RAPGEF5: variants seen among roughly 807,000 people sequenced by gnomAD.
RAPGEF5 encodes the protein Rap guanine nucleotide exchange factor 5.
RAPGEF5 carries 65 observed loss-of-function variants against 125.2 expected under a neutral mutation model. That is an observed-to-expected ratio of 0.52 (90% confidence interval 0.43 to 0.64). The LOEUF (loss-of-function observed/expected upper bound fraction) is 0.64, where lower values mean the gene tolerates loss of function less well. Among genes scored for constraint, RAPGEF5 ranks in the 30% least tolerant of loss-of-function variants. The pLI, the probability that RAPGEF5 is intolerant of heterozygous loss-of-function variation, is 0.00. For synonymous variants in RAPGEF5, 391 were observed against 385.9 expected (o/e 1.01, Z -0.16); for missense variants, 958 against 1,048.1 (o/e 0.91, Z 1.19).
intron 11 of RAPGEF5, among the ~76,000 whole-genome samples, chr7:22,172,234 T>C (rs1031758942): frequency 2.6e-5 from 4 of 151,960 alleles, no homozygotes; most frequent in African/African-American, 7.3e-5. Flanking sequence ...GCTATTCTCC[T>C]GCCTCAGCCT....
chr7:22,253,345 A>G (rs1186960273), intron 7 of RAPGEF5, among the ~76,000 whole-genome samples: 1 of 152,188 alleles, frequency 6.6e-6, no homozygotes, highest in East Asian at 1.9e-4. Context: ...CTGACCAGAA[A>G]TGAGAGTGAT....
At chr7:22,257,358 T>C (rs1188500208) in intron 7 of RAPGEF5, among the ~76,000 whole-genome samples, 3 of 152,258 alleles carry the variant, frequency 2.0e-5, no homozygotes, top group Admixed American at 6.5e-5. Flanking sequence ...CCATGCTTAA[T>C]GGTTCTGCGT....
At chr7:22,284,580 G>A (rs1782753638) in intron 6 of RAPGEF5, among the ~76,000 whole-genome samples, 1 of 152,154 alleles carries the variant, frequency 6.6e-6, no homozygotes, top group African/African-American at 2.4e-5. Context: ...AAGGACTGGA[G>A]CCAGCCTAAG....
intron 16 of RAPGEF5, among the ~76,000 whole-genome samples, chr7:22,155,413 T>C (rs1318724652): frequency 6.6e-6 from 1 of 152,220 alleles, no homozygotes; most frequent in African/African-American, 2.4e-5. Context: ...TATAAATGTA[T>C]AAAATGCACT....
chr7:22,345,726 T>C (rs753791834), intron 1 of RAPGEF5, among the ~76,000 whole-genome samples: 1 of 146,266 alleles, frequency 6.8e-6, no homozygotes, highest in Non-Finnish European at 1.5e-5. Flanking sequence ...TTTTAGAGAG[T>C]TATGTGCCAA....
chr7:22,246,382 A>G (rs13230638), intron 7 of RAPGEF5, among the ~76,000 whole-genome samples: 23,062 of 152,150 alleles, frequency 0.15, 2,391 homozygotes, highest in African/African-American at 0.29. Flanking sequence ...AAATAGACAC[A>G]AAGACCAATG....
At chr7:22,310,435 C>G (rs533961732) in intron 3 of RAPGEF5, among the ~76,000 whole-genome samples, 1 of 152,174 alleles carries the variant, frequency 6.6e-6, no homozygotes, top group Admixed American at 6.5e-5. Flanking sequence ...ACAATTAGAA[C>G]AGTCCACAAT....
chr7:22,272,337 C>T lies in RAPGEF5; in HGVS notation c.748-5325G>A, dbSNP rs550039976. ...CAGCCTGGGCAACAGAGCAAGACTC[C>T]GTCTCAAAAAAAAAAAAAAAAAAAA... On this transcript the variant is annotated intron_variant, in intron 6 of 25. Coordinates refer to ENST00000665637, the MANE Select transcript of RAPGEF5 (RefSeq NM_012294.5). 5.7e-3 allele frequency among the ~76,000 whole-genome samples: 681 copies of T among 118,894 alleles called. 1 individual carries two copies. The highest frequency in any genetic ancestry group is 0.012 in the Middle Eastern group (2 of 170). The allele number at this position is 118,894 out of a possible 152,430, so 78.0% of individuals were successfully genotyped here. A position where few individuals can be genotyped will look rare whatever the true frequency, so the allele number is the denominator to read the frequency against.
intron 11 of RAPGEF5, among the ~76,000 whole-genome samples, chr7:22,170,809 T>G (rs999690477): frequency 6.6e-6 from 1 of 152,194 alleles, no homozygotes; most frequent in Non-Finnish European, 1.5e-5. Context: ...AGCATTTACC[T>G]AATTATCTGT....
intron 19 of RAPGEF5, among the ~76,000 whole-genome samples, chr7:22,146,504 G>C (rs1440909836): frequency 6.6e-6 from 1 of 152,044 alleles, no homozygotes; most frequent in Non-Finnish European, 1.5e-5. Context: ...GTAAAAAGAT[G>C]GATATGTGTG....
chr7:22,308,978 C>G (rs566738113), intron 4 of RAPGEF5, among the ~76,000 whole-genome samples: 1 of 152,142 alleles, frequency 6.6e-6, no homozygotes, highest in African/African-American at 2.4e-5. Flanking sequence ...GGGCAGAGCG[C>G]TACTAGTATT....
chr7:22,342,713 T>C lies in RAPGEF5; in HGVS notation c.231+14117A>G, dbSNP rs1178129906. On this transcript the variant is annotated intron_variant, in intron 1 of 25. Transcript: ENST00000665637. ...ACAAATCTCTAGGACAGGGGCAAAA[T>C]GCCACCAGTTCTTTGCTAAAACATA... is the stretch of plus-strand genomic sequence containing the variant. Among the ~76,000 whole-genome samples the C allele has an allele frequency of 4.6e-5, 7 of 152,326 alleles. No individual in the cohort carries two copies. In the East Asian group the frequency reaches 5.8e-4, roughly 13 times the overall value.
intron 1 of RAPGEF5, among the ~76,000 whole-genome samples, chr7:22,341,401 T>A (rs910751751): frequency 6.6e-6 from 1 of 152,124 alleles, no homozygotes; most frequent in African/African-American, 2.4e-5. Flanking sequence ...AGCCAAACCA[T>A]ATCATTCCAC....
At position 22,297,788 on chromosome 7, in the gene RAPGEF5, G is replaced by T. The variant is rs541909661; in HGVS notation, c.681-6547C>A. Reference sequence around the variant, plus strand: ...TTTTCTTGACTTTTTGCACTGGCCTGAGTGGAAGAGGTGTACTAAGAGAAG... The same window carrying T: ...TTTTCTTGACTTTTTGCACTGGCCTTAGTGGAAGAGGTGTACTAAGAGAAG... On this transcript the variant is annotated intron_variant, in intron 5 of 25. Coordinates refer to ENST00000665637, the MANE Select transcript of RAPGEF5 (RefSeq NM_012294.5). 2.0e-5 allele frequency among the ~76,000 whole-genome samples: 3 copies of T among 152,320 alleles called. 1 individual carries two copies. The highest frequency in any genetic ancestry group is 7.2e-5 in the African/African-American group (3 of 41,580).
chr7:22,193,929 C>A lies in RAPGEF5; in HGVS notation c.1101G>T (p.Ala367=). Residue 367 remains alanine (A), a synonymous_variant, in exon 10 of 26, where the codon GCG becomes GCT. Transcript: ENST00000665637. ...GAAACTCTCACCTCCAATGGCTCTC[C>A]GCACTCCCAGCTGTGGGGGCTGGGC... ...CCGPAPTAGS[A]ESHWRYVVVS... is the part of the protein sequence containing the mutation. The A allele has an allele frequency of 6.2e-7, 1 of 1,613,716 alleles. No individual in the cohort carries two copies. Among genetic ancestry groups the A allele is most frequent in the Non-Finnish European group, 8.5e-7 (1 of 1,179,794 alleles).
chr7:22,197,340 G>A (rs976732991), intron 9 of RAPGEF5, among the ~76,000 whole-genome samples: 6 of 152,194 alleles, frequency 3.9e-5, no homozygotes, highest in Admixed American at 2.6e-4. Context: ...GAACCTTTCA[G>A]ATGGCAAACG....
intron 7 of RAPGEF5, among the ~76,000 whole-genome samples, chr7:22,234,574 A>AAAGAG (rs1215260152): frequency 1.3e-5 from 2 of 152,240 alleles, no homozygotes; most frequent in African/African-American, 2.4e-5. Context: ...TCTAAAGCAT[A>AAAGAG]TGCTTTGAGT....
intron 1 of RAPGEF5, among the ~76,000 whole-genome samples, chr7:22,354,112 T>A (rs1005718476): frequency 7.9e-5 from 12 of 151,964 alleles, no homozygotes; most frequent in Non-Finnish European, 1.8e-4. Context: ...AAAAAGCCTA[T>A]AATGCACCTG....
At chr7:22,144,318 A>G (rs1783358356) in intron 20 of RAPGEF5, among the ~76,000 whole-genome samples, 1 of 152,252 alleles carries the variant, frequency 6.6e-6, no homozygotes, top group South Asian at 2.1e-4. Flanking sequence ...AATAAATATA[A>G]TAAGTTTTCG....
Sources: gnomAD v4.1 joint callset for allele counts (sites outside exome capture counted in the v4.1 genomes callset) on GRCh38, gnomAD v4.1.1 for gene constraint, MANE v1.5 for transcripts, NCBI Gene and HGNC (gene_info 2026-07-23, HGNC 2026-07-21) for gene names.